PPFIA1: variants seen among roughly 807,000 people sequenced by gnomAD.
PPFIA1 encodes the protein PPFI scaffold protein A1.
Under a neutral mutation model 149.9 loss-of-function variants are expected in PPFIA1, and 25 were observed. The observed-to-expected ratio is 0.17, with a 90% CI of 0.12 to 0.23. The LOEUF is 0.23. PPFIA1 is among the 10% of genes least tolerant of loss of function. The pLI is 1.00. For synonymous variants in PPFIA1, 549 were observed against 552.8 expected (o/e 0.99, Z 0.10); for missense variants, 1,362 against 1,506.5 (o/e 0.90, Z 1.59).
intron 21 of PPFIA1, chr11:70,367,609 T>C: frequency 2.2e-6 from 1 of 455,240 alleles, no homozygotes; most frequent in South Asian, 1.5e-5. Context: ...AGAAGGCTGC[T>C]AAGGCAGCCC....
At chr11:70,310,535 G>A (rs748873500) in intron 2 of PPFIA1, among the ~76,000 whole-genome samples, 48 of 151,928 alleles carry the variant, frequency 3.2e-4, no homozygotes, top group Middle Eastern at 3.4e-3. Flanking sequence ...ACAGGTGCGC[G>A]CCACCACGCC....
Position 70,335,575 on chromosome 11 carries a change from G to GA in PPFIA1, c.1315dup (p.Met439AsnfsTer6). 1 of 1,613,766 alleles carries GA rather than the reference G, an allele frequency of 6.2e-7. No homozygotes were observed. The highest frequency in any genetic ancestry group is 8.5e-7 in the Non-Finnish European group (1 of 1,179,878). ...TCTCCTGCTTTAGGCAAGGCAAAGA[G>GA]AAAAAATGAACGAAGAACATAATAA... On this transcript the variant is annotated frameshift_variant, in exon 11 of 28. Transcript: ENST00000253925. LOFTEE classifies it high-confidence loss of function.
chr11:70,300,855 C>T (rs113649749), intron 2 of PPFIA1, among the ~76,000 whole-genome samples: 5 of 152,214 alleles, frequency 3.3e-5, no homozygotes, highest in African/African-American at 1.2e-4. Context: ...TAAAATGCTA[C>T]CGGCTTTAAG....
At chr11:70,351,789 G>C (rs2056071037) in intron 16 of PPFIA1, among the ~76,000 whole-genome samples, 1 of 152,158 alleles carries the variant, frequency 6.6e-6, no homozygotes, top group African/African-American at 2.4e-5. Context: ...GTTCAGATTT[G>C]TCTGATTTCA....
chr11:70,284,028 C>T (rs767695378), intron 2 of PPFIA1: 11 of 531,328 alleles, frequency 2.1e-5, no homozygotes, highest in South Asian at 5.6e-5. Flanking sequence ...TGGCAAAAAC[C>T]GCAATTATTT....
intron 26 of PPFIA1, 168 bp downstream of exon 26, chr11:70,378,363 T>C: frequency 1.5e-6 from 2 of 1,309,282 alleles, no homozygotes; most frequent in Non-Finnish European, 1.9e-6. Context: ...CATTTGTTTA[T>C]AAAAGTTTAA....
chr11:70,363,790 A>G (rs1474430092), intron 21 of PPFIA1, among the ~76,000 whole-genome samples: 1 of 152,238 alleles, frequency 6.6e-6, no homozygotes, highest in Non-Finnish European at 1.5e-5. Context: ...CTGAAATTAC[A>G]GGTGTGAGCC....
At chr11:70,279,048 G>C in intron 2 of PPFIA1, 1 of 530,422 alleles carries the variant, frequency 1.9e-6, no homozygotes, top group Non-Finnish European at 3.6e-6. Context: ...CAAGTAATGA[G>C]GGGTAGTATG....
chr11:70,282,386 A>C (rs1345436092), intron 2 of PPFIA1: 1 of 151,974 alleles, frequency 6.6e-6, no homozygotes, highest in African/African-American at 2.4e-5. Flanking sequence ...CTGATCTCCA[A>C]CTCCAGGGCT....
chr11:70,327,751 C>A (rs1375170768), intron 7 of PPFIA1: 1 of 150,514 alleles, frequency 6.6e-6, no homozygotes, highest in Non-Finnish European at 1.5e-5. Context: ...CCAGCCTGGG[C>A]GGCAGAGCGA....
At chr11:70,276,706 T>C (rs762295196) in intron 2 of PPFIA1, among the ~76,000 whole-genome samples, 2 of 152,150 alleles carry the variant, frequency 1.3e-5, no homozygotes, top group Non-Finnish European at 2.9e-5. Flanking sequence ...TAGGTAGATG[T>C]AGGATTTTGA....
chr11:70,355,097 G>C (rs7130374), intron 17 of PPFIA1, among the ~76,000 whole-genome samples: 2 of 151,982 alleles, frequency 1.3e-5, no homozygotes, highest in Admixed American at 6.6e-5. Context: ...TAAAGATGGG[G>C]TTTCACCATG....
chr11:70,342,250 T>C (rs991242098), intron 14 of PPFIA1: 2 of 152,430 alleles, frequency 1.3e-5, no homozygotes, highest in African/African-American at 4.8e-5. Flanking sequence ...GAGCCAGGGC[T>C]TGAGGCTGCT....
intron 2 of PPFIA1, among the ~76,000 whole-genome samples, chr11:70,290,815 G>A (rs1206553986): frequency 6.6e-6 from 1 of 152,202 alleles, no homozygotes; most frequent in East Asian, 1.9e-4. Flanking sequence ...GTGACATGCT[G>A]AAGTTGTTGA....
chr11:70,331,431 T>C (rs1044846627), intron 8 of PPFIA1, among the ~76,000 whole-genome samples: 1 of 151,706 alleles, frequency 6.6e-6, no homozygotes, highest in Non-Finnish European at 1.5e-5. Flanking sequence ...ACAAGAGGTG[T>C]TTTGCACATT....
chr11:70,286,818 G>A (rs1297834888), intron 2 of PPFIA1, among the ~76,000 whole-genome samples: 3 of 144,428 alleles, frequency 2.1e-5, no homozygotes, highest in Non-Finnish European at 1.5e-5. Flanking sequence ...GTGCAGTGGT[G>A]TGATCGGGCT....
In PPFIA1 at chr11:70,380,129, C is replaced by T. The variant is rs375006207; in HGVS notation, c.3550+1934C>T. 9.0e-4 allele frequency among the ~76,000 whole-genome samples: 137 copies of T among 152,250 alleles called. 1 individual carries two copies. The highest frequency in any genetic ancestry group is 1.4e-3 in the Non-Finnish European group (95 of 68,016). Reference sequence around the variant, plus strand: ...GGATGGATGAAAAGTAAACCTAGGCCGGGCGCGGTGGCTCACGCCTGTAAT... The same window carrying T: ...GGATGGATGAAAAGTAAACCTAGGCTGGGCGCGGTGGCTCACGCCTGTAAT... On this transcript the variant is annotated intron_variant, in intron 26 of 27. Coordinates refer to ENST00000253925, the MANE Select transcript of PPFIA1 (RefSeq NM_003626.5).
At chr11:70,333,387 T>G in intron 9 of PPFIA1, 83 bp from the exon 10 acceptor site, 1 of 1,039,528 alleles carries the variant, frequency 9.6e-7, no homozygotes. Flanking sequence ...GAGCATGTTG[T>G]GCCTGTTGCC....
At chr11:70,329,118 A>C in intron 7 of PPFIA1, among the ~76,000 whole-genome samples, 1 of 152,174 alleles carries the variant, frequency 6.6e-6, no homozygotes, top group East Asian at 1.9e-4. Context: ...CTAGAAAGTG[A>C]GACTTGTATC....
Sources: gnomAD v4.1 joint callset for allele counts (sites outside exome capture counted in the v4.1 genomes callset) on GRCh38, gnomAD v4.1.1 for gene constraint, MANE v1.5 for transcripts, NCBI Gene and HGNC (gene_info 2026-07-23, HGNC 2026-07-21) for gene names.